Variants in RBFOX3 observed in about 807,000 individuals in gnomAD.
RBFOX3 encodes RNA binding fox-1 homolog 3, also known as RNA binding protein fox-1 homolog 3.
In RBFOX3, 17 loss-of-function variants were observed where a neutral mutation model predicts 48.7. The observed-to-expected ratio is 0.35, with a 90% CI of 0.24 to 0.52. RBFOX3 has a LOEUF of 0.52. RBFOX3 is among the 20% of genes least tolerant of loss of function. The probability of loss-of-function intolerance (pLI) is 0.94; values close to 1 mark genes in which losing one functional copy is unlikely to be tolerated. For synonymous variants in RBFOX3, 212 were observed against 209.5 expected, an observed-to-expected ratio of 1.01 and a Z score of -0.10; for missense variants, 382 against 497.5, an observed-to-expected ratio of 0.77 and a Z score of 2.21.
intron 2 of RBFOX3, among the ~76,000 whole-genome samples, chr17:79,407,290 G>A (rs2063677170): frequency 6.6e-6 from 1 of 152,254 alleles, no homozygotes; most frequent in Non-Finnish European, 1.5e-5. Context: ...TTACAGGCGT[G>A]AGCCACCTTG....
the RBFOX3 span, among the ~76,000 whole-genome samples, chr17:79,652,580 AGGAG>A: frequency 7.5e-6 from 1 of 132,556 alleles, no homozygotes; most frequent in Non-Finnish European, 1.6e-5. Context: ...AGGAAAGGAG[AGGAG>A]AGGAGAGGAG....
intron 2 of RBFOX3, among the ~76,000 whole-genome samples, chr17:79,315,619 A>C (rs1448857842): frequency 6.6e-6 from 1 of 152,222 alleles, no homozygotes; most frequent in Non-Finnish European, 1.5e-5. Context: ...TCAGTGTTAC[A>C]AGCTCATAAA....
chr17:79,194,554 T>A (rs1352837143), intron 4 of RBFOX3, among the ~76,000 whole-genome samples: 3 of 151,804 alleles, frequency 2.0e-5, no homozygotes, highest in African/African-American at 7.3e-5. Flanking sequence ...TGCAGTGAGC[T>A]GAGATTGCAC....
chr17:79,307,010 C>T (rs754100025), intron 3 of RBFOX3, among the ~76,000 whole-genome samples: 4 of 152,224 alleles, frequency 2.6e-5, no homozygotes, highest in East Asian at 3.8e-4. Flanking sequence ...TCTTGGCACT[C>T]GGAGCAAGGA....
In RBFOX3 at chr17:79,115,725, CG is replaced by C. The variant is rs1568159567; in HGVS notation, c.-11del. On this transcript the variant is annotated 5_prime_UTR_variant, in exon 5 of 15. Coordinates refer to ENST00000693108, the MANE Select transcript of RBFOX3 (RefSeq NM_001350451.2). ...GGTAGGGCTGGGCCATCGCTTCAGGCGGAGCCGTGGCGTCCTGATCGCTCTG... is the reference window on the plus strand; with the variant it reads ...GGTAGGGCTGGGCCATCGCTTCAGGCGAGCCGTGGCGTCCTGATCGCTCTG... The C allele has an allele frequency of 1.2e-6, 1 of 826,530 alleles. No homozygotes were observed. Among genetic ancestry groups the C allele is most frequent in the Non-Finnish European group, 1.9e-6 (1 of 516,450 alleles). The allele number at this position is 826,530 out of a possible 1,614,324, so 51.2% of individuals were successfully genotyped here. A position where few individuals can be genotyped will look rare whatever the true frequency, so the allele number is the denominator to read the frequency against.
chr17:79,385,229 CACA>C (rs1010769436), intron 2 of RBFOX3, among the ~76,000 whole-genome samples: 5 of 152,162 alleles, frequency 3.3e-5, no homozygotes, highest in Admixed American at 6.5e-5. Flanking sequence ...TCCAGGGTCC[CACA>C]ACAAGGCAGA....
rs1555651522 is a variant in RBFOX3, at chr17:79,293,462, T to TC, written c.-74+14261dup. 3.3e-3 allele frequency among the ~76,000 whole-genome samples: 328 copies of TC among 98,592 alleles called. 3 individuals carry two copies. The highest frequency in any genetic ancestry group is 0.015 in the African/African-American group (314 of 21,368). 64.7% of individuals were successfully genotyped at this position (98,592 alleles called of 152,430 possible). ...TTCCTTCCTTCCTTCCTTCCTTCCT[T>TC]CCTTCCCTTCCTTCCTGTCTCACTC... On this transcript the variant is annotated intron_variant, in intron 3 of 14. Transcript: ENST00000693108.
chr17:79,272,033 T>A (rs1224312487), intron 3 of RBFOX3, among the ~76,000 whole-genome samples: 2 of 152,186 alleles, frequency 1.3e-5, no homozygotes, highest in South Asian at 4.1e-4. Context: ...GTTAGGGCCA[T>A]CTCCCTTTTC....
At position 79,090,996 on chromosome 17, in the gene RBFOX3, G is replaced by A. The variant is rs560037142; in HGVS notation, c.1078-111C>T. The A allele has an allele frequency of 1.8e-5, 18 of 1,019,888 alleles. No individual in the cohort carries two copies. In the East Asian group the frequency reaches 3.5e-4, roughly 20 times the overall value. 63.2% of individuals were successfully genotyped at this position (1,019,888 alleles called of 1,614,324 possible). A position where few individuals can be genotyped will look rare whatever the true frequency, so the allele number is the denominator to read the frequency against. On this transcript the variant is annotated intron_variant, in intron 14 of 14. Transcript: ENST00000693108. The stretch of plus-strand genomic sequence containing the variant: ...GCCCCTGGCCTAAAGTCCTGGCGCC[G>A]CCACACCTGCCCCCCAGGTTTCCAG...
At chr17:79,617,969 ATTT>A in the RBFOX3 span, among the ~76,000 whole-genome samples, 1 of 152,132 alleles carries the variant, frequency 6.6e-6, no homozygotes. Context: ...TTGATATTTT[ATTT>A]AAGAGTGTGC....
In RBFOX3 at chr17:79,318,216, C is replaced by T. The variant is rs7503782; in HGVS notation, c.-174-10392G>A. ...TTTGGGCCTGAAGATCTGGATGCTC[C>T]GGGTGGTGTTTGCTCAGCCAGCAGC... On this transcript the variant is annotated intron_variant, in intron 2 of 14. Transcript: ENST00000693108. Among the ~76,000 whole-genome samples the T allele has an allele frequency of 9.5e-3, 1,442 of 152,166 alleles. 25 individuals are homozygous for T. The highest frequency in any genetic ancestry group is 0.033 in the African/African-American group (1,369 of 41,500).
intron 4 of RBFOX3, among the ~76,000 whole-genome samples, chr17:79,228,106 G>C (rs2060542009): frequency 6.6e-6 from 1 of 152,174 alleles, no homozygotes; most frequent in Non-Finnish European, 1.5e-5. Context: ...AGCCTGGCCT[G>C]CTCCTCCTTC....
intron 1 of RBFOX3, among the ~76,000 whole-genome samples, chr17:79,579,417 C>G (rs2092972101): frequency 6.6e-6 from 1 of 152,236 alleles, no homozygotes; most frequent in Non-Finnish European, 1.5e-5. Flanking sequence ...TTGATATTCA[C>G]AGGTCATTTT....
At chr17:79,643,227 T>G in the RBFOX3 span, among the ~76,000 whole-genome samples, 1 of 152,154 alleles carries the variant, frequency 6.6e-6, no homozygotes, top group Admixed American at 6.5e-5. Context: ...AAGAGTAACA[T>G]CACGTAATAT....
intron 3 of RBFOX3, among the ~76,000 whole-genome samples, chr17:79,265,748 T>C (rs2066583691): frequency 6.6e-6 from 1 of 152,204 alleles, no homozygotes; most frequent in Non-Finnish European, 1.5e-5. Context: ...TTCCGGAGAT[T>C]TAGTGGGCTG....
At chr17:79,159,445 G>A (rs1443110101) in intron 4 of RBFOX3, among the ~76,000 whole-genome samples, 2 of 152,190 alleles carry the variant, frequency 1.3e-5, no homozygotes, top group Non-Finnish European at 2.9e-5. Flanking sequence ...CCATCCTGTG[G>A]ACCAAGTCTG....
Position 79,364,619 on chromosome 17 carries a change from T to C in RBFOX3, c.-174-56795A>G, listed in dbSNP as rs2057453605. Among the ~76,000 whole-genome samples the C allele has an allele frequency of 6.6e-6, 1 of 152,178 alleles. No homozygotes were observed. ...CAGGGGTTGAAGGATGAGGGTGTGC[T>C]GGTGGGTGACGGGGAGCGGGCGTGA... On this transcript the variant is annotated intron_variant, in intron 2 of 14. Coordinates refer to ENST00000693108, the MANE Select transcript of RBFOX3 (RefSeq NM_001350451.2). This position sits in a 1 kb window ranked among gnomAD's most constrained non-coding sequence, Gnocchi z 5.1.
In RBFOX3 at chr17:79,285,824, C is replaced by T. The variant is rs200097687; in HGVS notation, c.-74+21900G>A. Among the ~76,000 whole-genome samples, 4 of 152,172 alleles carry T rather than the reference C, an allele frequency of 2.6e-5. No homozygotes were observed. In the East Asian group the frequency reaches 7.7e-4, roughly 29 times the overall value. On this transcript the variant is annotated intron_variant, in intron 3 of 14. Coordinates refer to ENST00000693108, the MANE Select transcript of RBFOX3 (RefSeq NM_001350451.2). ...TCAGCCTCCCAAGTGTCTGGGATTA[C>T]AGGCGCCCACCATCATGCCCAGGTA...
intron 3 of RBFOX3, among the ~76,000 whole-genome samples, chr17:79,288,069 G>T (rs117439928): frequency 0.034 from 5,202 of 152,210 alleles, 121 homozygotes; most frequent in Non-Finnish European, 0.046. Flanking sequence ...GAACCCTCCA[G>T]ATTCCACCTC....
Sources: allele counts gnomAD v4.1 joint callset (sites outside exome capture counted in the v4.1 genomes callset), GRCh38; gene constraint gnomAD v4.1.1; non-coding constraint Gnocchi (gnomAD v3.1); transcripts MANE v1.5; gene names NCBI Gene and HGNC (gene_info 2026-07-23, HGNC 2026-07-21).